RGPD4: variants seen among roughly 807,000 people sequenced by gnomAD.
RGPD4 encodes ranBP2-like and GRIP domain-containing protein 4.
RGPD4 carries 84 observed loss-of-function variants against 141.1 expected under a neutral mutation model. The observed-to-expected ratio is 0.60, with a 90% CI of 0.50 to 0.71. The LOEUF (loss-of-function observed/expected upper bound fraction) is 0.71, where lower values mean the gene tolerates loss of function less well. Among genes scored for constraint, RGPD4 ranks in the 30% least tolerant of loss-of-function variants. RGPD4 has a pLI of 0.00. For synonymous variants in RGPD4, 298 were observed against 566.8 expected, an observed-to-expected ratio of 0.53 and a Z score of 6.74; for missense variants, 918 against 1,622.4, an observed-to-expected ratio of 0.57 and a Z score of 7.46.
intron 22 of RGPD4, among the ~76,000 whole-genome samples, chr2:107,884,944 A>G (rs1675471497): frequency 1.3e-5 from 2 of 151,356 alleles, no homozygotes; most frequent in Admixed American, 6.6e-5. Flanking sequence ...TTTTACAGAC[A>G]TACTTCATAA....
intron 1 of RGPD4, among the ~76,000 whole-genome samples, chr2:107,831,734 C>A (rs1336420562): frequency 6.8e-6 from 1 of 147,798 alleles, no homozygotes; most frequent in Admixed American, 6.7e-5. Flanking sequence ...CAACACCCGG[C>A]TAATTTTTTA....
At chr2:107,884,961 T>C (rs972086138) in intron 22 of RGPD4, among the ~76,000 whole-genome samples, 1 of 151,666 alleles carries the variant, frequency 6.6e-6, no homozygotes, top group Non-Finnish European at 1.5e-5. Context: ...ATAAGTAGTA[T>C]TGATAGTTTC....
At chr2:107,858,065 A>G (rs1026206094) in intron 9 of RGPD4, among the ~76,000 whole-genome samples, 7 of 151,908 alleles carry the variant, frequency 4.6e-5, no homozygotes, top group Admixed American at 2.0e-4. Context: ...GTTATGTATG[A>G]TTTATCTTGC....
rs758460211 is a variant in RGPD4 at position 107,871,651 on chromosome 2, T to A, written c.3647T>A (p.Val1216Asp). 4 of 1,606,816 alleles carry A rather than the reference T, an allele frequency of 2.5e-6. No individual in the cohort carries two copies. The highest frequency in any genetic ancestry group is 3.4e-6 in the Non-Finnish European group (4 of 1,178,868). ...KTFLTNDQTKVTEEENKGSGT... is the reference protein window; with the variant it reads ...KTFLTNDQTKDTEEENKGSGT... Reference sequence around the variant, plus strand: ...TTTTTGACAAATGATCAAACAAAAGTCACTGAGGAAGAAAATAAGGGTTCA... The same window carrying A: ...TTTTTGACAAATGATCAAACAAAAGACACTGAGGAAGAAAATAAGGGTTCA... The change falls in exon 20 of 23, where the codon GTC (valine) becomes GAC (aspartate). Residue 1216 changes from valine to aspartate, a missense_variant. Val to Asp is a radical substitution (Grantham distance 152). Coordinates refer to ENST00000408999, the MANE Select transcript of RGPD4 (RefSeq NM_182588.3).
intron 8 of RGPD4, 121 bp downstream of exon 8, chr2:107,854,764 G>C: frequency 1.4e-6 from 2 of 1,428,244 alleles, no homozygotes; most frequent in Admixed American, 2.4e-5. Context: ...TCTTTTCGCC[G>C]TATCAGTTAA....
intron 22 of RGPD4, among the ~76,000 whole-genome samples, chr2:107,883,373 T>G (rs1675422919): frequency 6.6e-6 from 1 of 151,572 alleles, no homozygotes; most frequent in African/African-American, 2.4e-5. Context: ...GGTTCATGCC[T>G]ATAATCCCAC....
chr2:107,833,446 C>G (rs1439992233), intron 1 of RGPD4, among the ~76,000 whole-genome samples: 1 of 150,770 alleles, frequency 6.6e-6, no homozygotes, highest in Non-Finnish European at 1.5e-5. Context: ...CTTATAGTGA[C>G]ATCTGCTGTC....
At chr2:107,830,703 A>T (rs2104395536) in intron 1 of RGPD4, among the ~76,000 whole-genome samples, 1 of 152,150 alleles carries the variant, frequency 6.6e-6, no homozygotes, top group East Asian at 1.9e-4. Flanking sequence ...TAAAGAATGG[A>T]GGGAGAAGAG....
intron 22 of RGPD4, 81 bp from the exon 23 acceptor site, chr2:107,890,640 G>A (rs1407683781): frequency 9.2e-7 from 1 of 1,084,046 alleles, no homozygotes; most frequent in African/African-American, 1.8e-5. Flanking sequence ...TTATATTGTA[G>A]AGTGGTTCTA....
chr2:107,885,492 C>T (rs988035614), intron 22 of RGPD4, among the ~76,000 whole-genome samples: 3 of 151,984 alleles, frequency 2.0e-5, no homozygotes, highest in African/African-American at 4.8e-5. Context: ...TTTAGAAGTT[C>T]TAAAAGAGAC....
chr2:107,877,794 T>C (rs983793194), intron 20 of RGPD4, among the ~76,000 whole-genome samples: 6 of 151,888 alleles, frequency 4.0e-5, no homozygotes, highest in African/African-American at 1.5e-4. Context: ...TAGTTAAAAG[T>C]TTGATGACTA....
At chr2:107,878,275 T>A (rs1158552549) in intron 20 of RGPD4, among the ~76,000 whole-genome samples, 1 of 151,440 alleles carries the variant, frequency 6.6e-6, no homozygotes, top group African/African-American at 2.4e-5. Context: ...ACTTAACCTT[T>A]AAAAAAAATC....
rs1682980999 is a variant in RGPD4 at position 107,872,832 on chromosome 2, A to G, written c.4828A>G (p.Ile1610Val). The change falls in exon 20 of 23, where the codon ATC becomes GTC. Residue 1610 changes from isoleucine to valine, a missense_variant. Coordinates refer to ENST00000408999, the MANE Select transcript of RGPD4 (RefSeq NM_182588.3). The part of the protein sequence containing the change: ...KKCELSKNSD[I>V]EQSSDSKVKN... ...ATGTGAACTGTCAAAGAACTCTGAT[A>G]TCGAACAGTCTTCAGATAGCAAAGT... 6.2e-7 allele frequency: 1 copy of G among 1,607,160 alleles called. No homozygotes were observed. Among genetic ancestry groups the G allele is most frequent in the Admixed American group, 1.7e-5 (1 of 59,518 alleles).
rs759589001 is a variant in RGPD4, at chr2:107,871,248, T to G, written c.3244T>G (p.Leu1082Val). 1 of 1,608,726 alleles carries G rather than the reference T, an allele frequency of 6.2e-7. No individual in the cohort carries two copies. Among genetic ancestry groups the G allele is most frequent in the Non-Finnish European group, 8.5e-7 (1 of 1,179,512 alleles). The change falls in exon 20 of 23, where the codon TTG becomes GTG. Residue 1082 changes from leucine to valine, a missense_variant. Transcript: ENST00000408999. ...AEVRQWKERGLGNLKILKNEV... is the reference protein window; with the variant it reads ...AEVRQWKERGVGNLKILKNEV... ...GGTAAGGCAGTGGAAAGAAAGGGGCTTGGGGAACTTAAAAATTCTCAAAAA... is the reference window on the plus strand; with the variant it reads ...GGTAAGGCAGTGGAAAGAAAGGGGCGTGGGGAACTTAAAAATTCTCAAAAA...
chr2:107,844,838 T>G lies in RGPD4; in HGVS notation c.782+1108T>G, dbSNP rs1485462798. 4.9e-3 allele frequency among the ~76,000 whole-genome samples: 456 copies of G among 93,516 alleles called. 5 individuals carry two copies. The highest frequency in any genetic ancestry group is 0.018 in the African/African-American group (416 of 22,492). The allele number at this position is 93,516 out of a possible 152,430, so 61.4% of individuals were successfully genotyped here. A position where few individuals can be genotyped will look rare whatever the true frequency, so the allele number is the denominator to read the frequency against. ...TTCTTTCTTTCTTTTTTGTTTTTTT[T>G]TTTTTTTTTTTTTTTTGAGAGGGAG... On this transcript the variant is annotated intron_variant, in intron 6 of 22. Transcript: ENST00000408999.
At position 107,890,578 on chromosome 2, in the gene RGPD4, C is replaced by T. The variant is rs1208244046; in HGVS notation, c.5267-143C>T. The T allele has an allele frequency of 2.3e-4, 4 of 17,650 alleles. 1 individual carries two copies. The highest frequency in any genetic ancestry group is 1.2e-3 in the African/African-American group (2 of 1,694). 1.1% of individuals were successfully genotyped at this position (17,650 alleles called of 1,614,324 possible). ...AAAAAAAAAAAAAAAAAAAAAGAACCCCCCCCCCCCAACAAAAAAGGCATG... is the reference window on the plus strand; with the variant it reads ...AAAAAAAAAAAAAAAAAAAAAGAACTCCCCCCCCCCAACAAAAAAGGCATG... On this transcript the variant is annotated intron_variant, in intron 22 of 22. Transcript: ENST00000408999.
At chr2:107,881,258 A>G (rs1675354589) in intron 21 of RGPD4, among the ~76,000 whole-genome samples, 3 of 150,712 alleles carry the variant, frequency 2.0e-5, no homozygotes, top group African/African-American at 4.9e-5. Context: ...TAATAAAAAC[A>G]TTATCATAGC....
chr2:107,829,611 C>T lies in RGPD4; in HGVS notation c.72+2526C>T, dbSNP rs1573457041. Among the ~76,000 whole-genome samples, 5 of 152,186 alleles carry T rather than the reference C, an allele frequency of 3.3e-5. No homozygotes were observed. The South Asian group carries it at 8.3e-4, about 25-fold the overall frequency. ...CCGACGGGCGCTGCTCCCAGGCGGG[C>T]TCTGTTGAGGCGCCGGCCGGCTGGC... is the stretch of plus-strand genomic sequence containing the variant. On this transcript the variant is annotated intron_variant, in intron 1 of 22. Coordinates refer to ENST00000408999, the MANE Select transcript of RGPD4 (RefSeq NM_182588.3).
intron 8 of RGPD4, among the ~76,000 whole-genome samples, chr2:107,856,104 A>G (rs1573494405): frequency 8.6e-6 from 1 of 116,720 alleles, no homozygotes; most frequent in South Asian, 2.8e-4. Context: ...CCCGGGCTGG[A>G]GTGCAGTGGC....
Sources: allele counts gnomAD v4.1 joint callset (sites outside exome capture counted in the v4.1 genomes callset), GRCh38; gene constraint gnomAD v4.1.1; transcripts MANE v1.5; gene names NCBI Gene and HGNC (gene_info 2026-07-23, HGNC 2026-07-21).